The following ERICH1 variants were observed in gnomAD, a reference collection of about 807,000 sequenced individuals.
The protein encoded by ERICH1 is glutamate-rich protein 1.
Under a neutral mutation model 39.6 loss-of-function variants are expected in ERICH1, and 56 were observed. The observed-to-expected ratio is 1.41, with a 90% CI of 1.14 to 1.77. The LOEUF (loss-of-function observed/expected upper bound fraction) is 1.77. Ranked by LOEUF, ERICH1 falls within the 40% of genes most tolerant of loss-of-function variation. The pLI is 0.00. For synonymous variants in ERICH1, 313 were observed against 223.6 expected (o/e 1.40, Z -3.57); for missense variants, 826 against 575.4 (o/e 1.44, Z -4.45).
At chr8:660,557 G>C (rs1563199755), downstream of ERICH1, among the ~76,000 whole-genome samples, 1 of 152,336 alleles carries the variant, frequency 6.6e-6, no homozygotes, top group East Asian at 1.9e-4. Flanking sequence ...TCCCAGCCCG[G>C]GCTGTACTGA....
At chr8:623,715 A>G (rs1418440081) in intron 3 of ERICH1, among the ~76,000 whole-genome samples, 1 of 152,150 alleles carries the variant, frequency 6.6e-6, no homozygotes, top group Non-Finnish European at 1.5e-5. Context: ...ATGAAGTTGA[A>G]CCCCTTTCTT....
chr8:716,147 C>T (rs761418047), intron 1 of ERICH1, 140 bp from the exon 2 acceptor site: 57 of 1,054,048 alleles, frequency 5.4e-5, no homozygotes, highest in South Asian at 1.1e-4. Flanking sequence ...GGTCCTCCCA[C>T]GCTGGGCACT....
chr8:727,636 G>A (rs527835271), intron 1 of ERICH1, among the ~76,000 whole-genome samples: 3 of 152,294 alleles, frequency 2.0e-5, no homozygotes, highest in South Asian at 2.1e-4. Flanking sequence ...AGCATCCTGC[G>A]CTCCAGCACA....
chr8:671,390 T>A (rs13269838), intron 4 of ERICH1, among the ~76,000 whole-genome samples: 2 of 32,208 alleles, frequency 6.2e-5, no homozygotes, highest in Admixed American at 7.1e-4. Context: ...CTAATGTCTG[T>A]GCTCACTGGG....
intron 3 of ERICH1, among the ~76,000 whole-genome samples, chr8:627,761 GGTCTCT>G (rs1344218279): frequency 2.0e-5 from 3 of 152,186 alleles, no homozygotes; most frequent in Non-Finnish European, 4.4e-5. Context: ...GCTGGCCCCT[GGTCTCT>G]GCCTTTTCCT....
chr8:673,818 G>A lies in ERICH1; in HGVS notation c.534C>T (p.Gly178=), dbSNP rs1804036148. The A allele has an allele frequency of 1.2e-6, 2 of 1,614,134 alleles. No homozygotes were observed. The highest frequency in any genetic ancestry group is 1.7e-6 in the Non-Finnish European group (2 of 1,180,032). The change falls in exon 4 of 6, where the codon GGC becomes GGT. Residue 178 remains glycine (G), a synonymous_variant. Coordinates refer to ENST00000262109, the MANE Select transcript of ERICH1 (RefSeq NM_207332.3). ...TGACACCAGCAGCCTTTGCTGCCAA[G>A]CCGGCTGCTTTCTTCCTTTTAATTT... ...KQQIKRKKAA[G]LAAKAAGVSF...
At chr8:713,629 A>T (rs1236426663) in intron 2 of ERICH1, among the ~76,000 whole-genome samples, 1 of 152,128 alleles carries the variant, frequency 6.6e-6, no homozygotes, top group Non-Finnish European at 1.5e-5. Context: ...AAATGGAATC[A>T]CCACACAGAA....
chr8:683,141 G>A (rs1321330701), intron 3 of ERICH1, among the ~76,000 whole-genome samples: 1 of 152,230 alleles, frequency 6.6e-6, no homozygotes. Context: ...TGAGAAGCAT[G>A]TCCTGCCCCG....
chr8:622,957 A>C (rs1452688221), intron 3 of ERICH1, among the ~76,000 whole-genome samples: 1 of 26,866 alleles, frequency 3.7e-5, no homozygotes, highest in Non-Finnish European at 6.3e-5. Flanking sequence ...ATCCGCTCTC[A>C]ATAAATAAAT....
rs529662004 is a variant in ERICH1, at chr8:718,648, C to T, written c.23-2641G>A. On this transcript the variant is annotated intron_variant, in intron 1 of 5. Transcript: ENST00000262109. ...GGGATAACTGACATGGCAGAGGCCA[C>T]CCTGGGAGTCACAAGCTCCGCCTTC... Among the ~76,000 whole-genome samples, 339 of 152,332 alleles carry T rather than the reference C, an allele frequency of 2.2e-3. 1 individual carries two copies. The highest frequency in any genetic ancestry group is 0.017 in the Middle Eastern group (5 of 294).
At chr8:677,917 G>A in intron 3 of ERICH1, among the ~76,000 whole-genome samples, 1 of 152,134 alleles carries the variant, frequency 6.6e-6, no homozygotes, top group East Asian at 1.9e-4. Flanking sequence ...CTCTGTCAGT[G>A]CCGCTCATCG....
chr8:728,828 C>T (rs1199189119), intron 1 of ERICH1, among the ~76,000 whole-genome samples: 2 of 152,166 alleles, frequency 1.3e-5, no homozygotes, highest in Non-Finnish European at 2.9e-5. Context: ...GCAATACATT[C>T]TTCTCATTAA....
intron 2 of ERICH1, among the ~76,000 whole-genome samples, chr8:709,655 G>A (rs1029119625): frequency 1.2e-4 from 19 of 152,210 alleles, no homozygotes; most frequent in South Asian, 8.3e-4. Flanking sequence ...GTGAAAAGAC[G>A]TCACCCAAAG....
chr8:727,089 AC>A (rs2132478600), intron 1 of ERICH1, among the ~76,000 whole-genome samples: 1 of 151,694 alleles, frequency 6.6e-6, no homozygotes, highest in Non-Finnish European at 1.5e-5. Context: ...ACACACGCAC[AC>A]CACAAAGGCA....
intron 2 of ERICH1, among the ~76,000 whole-genome samples, chr8:697,122 G>A (rs1011262586): frequency 1.3e-5 from 2 of 152,186 alleles, no homozygotes; most frequent in Non-Finnish European, 2.9e-5. Flanking sequence ...ATACACAGAT[G>A]GACACATATT....
chr8:697,378 G>A (rs1196026972), intron 2 of ERICH1, among the ~76,000 whole-genome samples: 1 of 152,104 alleles, frequency 6.6e-6, no homozygotes, highest in Non-Finnish European at 1.5e-5. Flanking sequence ...CAACTGAATC[G>A]GCAGGAAAAA....
At chr8:691,287 CCTGT>C (rs1225995282) in intron 3 of ERICH1, among the ~76,000 whole-genome samples, 1 of 152,168 alleles carries the variant, frequency 6.6e-6, no homozygotes, top group Non-Finnish European at 1.5e-5. Context: ...AAGAGAAATG[CCTGT>C]CTATGTGGTG....
intron 3 of ERICH1, among the ~76,000 whole-genome samples, chr8:638,022 G>C (rs1326031831): frequency 2.0e-5 from 3 of 152,346 alleles, no homozygotes; most frequent in Admixed American, 2.0e-4. Context: ...TGGTGAGGAA[G>C]CAAAATAATG....
At chr8:730,169 T>C (rs1339413366) in intron 1 of ERICH1, among the ~76,000 whole-genome samples, 3 of 152,228 alleles carry the variant, frequency 2.0e-5, no homozygotes, top group Non-Finnish European at 4.4e-5. Context: ...TAAAAACTCT[T>C]AGGTCATTTT....
Sources: allele counts gnomAD v4.1 joint callset (sites outside exome capture counted in the v4.1 genomes callset), GRCh38; gene constraint gnomAD v4.1.1; transcripts MANE v1.5; gene names NCBI Gene and HGNC (gene_info 2026-07-23, HGNC 2026-07-21).